The following KCNH7 variants were observed in gnomAD, a reference collection of about 807,000 sequenced individuals.
The protein encoded by KCNH7 is potassium voltage-gated channel subfamily H member 7, also known as voltage-gated inwardly rectifying potassium channel KCNH7.
Under a neutral mutation model 120.8 loss-of-function variants are expected in KCNH7, and 49 were observed. The ratio of observed to expected loss-of-function variants is 0.41; its 90% CI spans 0.32 to 0.51. The LOEUF (loss-of-function observed/expected upper bound fraction) is 0.51. Among genes scored for constraint, KCNH7 ranks in the 20% least tolerant of loss-of-function variants. The probability of loss-of-function intolerance (pLI) is 0.38; values close to 1 mark genes in which losing one functional copy is unlikely to be tolerated. For synonymous variants in KCNH7, 547 were observed against 516.1 expected, an observed-to-expected ratio of 1.06 and a Z score of -0.81; for missense variants, 1,097 against 1,446.6, an observed-to-expected ratio of 0.76 and a Z score of 3.92.
intron 6 of KCNH7, among the ~76,000 whole-genome samples, chr2:162,450,522 G>A (rs1016612217): frequency 1.3e-5 from 2 of 152,038 alleles, no homozygotes; most frequent in African/African-American, 4.8e-5. Context: ...GCATCATGAG[G>A]TAAATCCAAA....
At chr2:162,726,962 G>T (rs2105383984) in intron 2 of KCNH7, among the ~76,000 whole-genome samples, 1 of 152,254 alleles carries the variant, frequency 6.6e-6, no homozygotes, top group Admixed American at 6.5e-5. Flanking sequence ...TTATTGGGGA[G>T]GGGGCTTATC....
At chr2:162,833,798 T>C (rs73972034) in intron 2 of KCNH7, among the ~76,000 whole-genome samples, 2,018 of 152,212 alleles carry the variant, frequency 0.013, 45 homozygotes, top group African/African-American at 0.045. Flanking sequence ...TGGGCCACTT[T>C]AGCGAACAAG....
chr2:162,666,865 T>A lies in KCNH7; in HGVS notation c.308-129785A>T, dbSNP rs143663799. 1.5e-3 allele frequency among the ~76,000 whole-genome samples: 232 copies of A among 152,240 alleles called. 1 individual carries two copies. The highest frequency in any genetic ancestry group is 5.4e-3 in the African/African-American group (223 of 41,564). ...TAGTTCCTCTGGTCATTAAAAATTA[T>A]CTTTTCTTTTATTTTGATCTTTAGT... On this transcript the variant is annotated intron_variant, in intron 2 of 15. Coordinates refer to ENST00000332142, the MANE Select transcript of KCNH7 (RefSeq NM_033272.4).
intron 2 of KCNH7, among the ~76,000 whole-genome samples, chr2:162,815,729 G>GT (rs1160684965): frequency 1.3e-5 from 2 of 151,984 alleles, no homozygotes; most frequent in African/African-American, 4.8e-5. Context: ...CTTTTAAAAC[G>GT]TATTTATAAA....
intron 2 of KCNH7, among the ~76,000 whole-genome samples, chr2:162,576,662 T>C (rs911099297): frequency 6.6e-6 from 1 of 152,014 alleles, no homozygotes; most frequent in African/African-American, 2.4e-5. Flanking sequence ...TTGGGGTTTT[T>C]TTTTCCTGTT....
At chr2:162,754,741 G>A (rs1034301417) in intron 2 of KCNH7, among the ~76,000 whole-genome samples, 5 of 152,090 alleles carry the variant, frequency 3.3e-5, no homozygotes, top group African/African-American at 1.2e-4. Flanking sequence ...AAAACCAGCA[G>A]GAAGTAATGT....
intron 12 of KCNH7, among the ~76,000 whole-genome samples, chr2:162,385,648 G>A (rs1686550746): frequency 6.6e-6 from 1 of 151,860 alleles, no homozygotes; most frequent in Admixed American, 6.6e-5. Flanking sequence ...AACTCAAAGA[G>A]ACAAATCCCA....
At chr2:162,789,407 T>C (rs1171348903) in intron 2 of KCNH7, among the ~76,000 whole-genome samples, 1 of 152,002 alleles carries the variant, frequency 6.6e-6, no homozygotes, top group Non-Finnish European at 1.5e-5. Flanking sequence ...AATACAATAA[T>C]AGTAGAAGAC....
intron 6 of KCNH7, among the ~76,000 whole-genome samples, chr2:162,454,768 C>T (rs1466340598): frequency 6.6e-6 from 1 of 151,764 alleles, no homozygotes; most frequent in African/African-American, 2.4e-5. Flanking sequence ...GAATGCTTGT[C>T]GTTTTTGCAC....
At chr2:162,605,811 A>G (rs1288663891) in intron 2 of KCNH7, among the ~76,000 whole-genome samples, 1 of 152,052 alleles carries the variant, frequency 6.6e-6, no homozygotes, top group Non-Finnish European at 1.5e-5. Context: ...TGTCTCTATT[A>G]TTGAGCTTGA....
intron 6 of KCNH7, among the ~76,000 whole-genome samples, chr2:162,464,111 G>A (rs918243321): frequency 6.6e-6 from 1 of 151,992 alleles, no homozygotes; most frequent in East Asian, 1.9e-4. Flanking sequence ...AAACCAATGG[G>A]TACATGAATC....
chr2:162,491,812 T>A (rs201381631), intron 6 of KCNH7, among the ~76,000 whole-genome samples: 8 of 152,210 alleles, frequency 5.3e-5, no homozygotes, highest in Non-Finnish European at 1.0e-4. Context: ...TCTTTCTAGA[T>A]GGGTAGCCAT....
intron 2 of KCNH7, among the ~76,000 whole-genome samples, chr2:162,550,901 AAT>A (rs1559009792): frequency 3.3e-5 from 5 of 150,882 alleles, no homozygotes; most frequent in African/African-American, 1.2e-4. Context: ...TAATAATAAT[AAT>A]AATAATAATA....
intron 2 of KCNH7, among the ~76,000 whole-genome samples, chr2:162,696,633 G>T (rs1686299884): frequency 6.6e-6 from 1 of 150,774 alleles, no homozygotes; most frequent in South Asian, 2.1e-4. Flanking sequence ...TCCATAAAAA[G>T]ATCCTAGGTC....
chr2:162,529,069 C>T (rs1691822552), intron 3 of KCNH7, among the ~76,000 whole-genome samples: 1 of 151,920 alleles, frequency 6.6e-6, no homozygotes, highest in Non-Finnish European at 1.5e-5. Flanking sequence ...GCTTGAAATG[C>T]TAAATCGCCC....
chr2:162,678,247 A>G (rs1685592919), intron 2 of KCNH7, among the ~76,000 whole-genome samples: 1 of 151,236 alleles, frequency 6.6e-6, no homozygotes, highest in African/African-American at 2.4e-5. Flanking sequence ...AAGAAACTAT[A>G]TATGTAAATT....
chr2:162,446,386 T>C lies in KCNH7; in HGVS notation c.1186A>G (p.Asn396Asp), dbSNP rs1163322083. The change falls in exon 7 of 16, where the codon AAC (asparagine) becomes GAC (aspartate). Residue 396 changes from asparagine (N) to aspartate (D), a missense_variant. Coordinates refer to ENST00000332142, the MANE Select transcript of KCNH7 (RefSeq NM_033272.4). ...CTGTAGTGCAATATCGTAAACTTGT[T>C]GATGCGTGGTGTCTGCAGTTTGTAT... ...PEYKLQTPRINKFTILHYSPF... is the reference protein window; with the variant it reads ...PEYKLQTPRIDKFTILHYSPF... 1 of 1,613,672 alleles carries C rather than the reference T, an allele frequency of 6.2e-7. No homozygotes were observed. The highest frequency in any genetic ancestry group is 1.1e-5 in the South Asian group (1 of 91,048).
At chr2:162,381,346 A>AT (rs1339985088) in intron 13 of KCNH7, among the ~76,000 whole-genome samples, 2 of 152,128 alleles carry the variant, frequency 1.3e-5, no homozygotes, top group Non-Finnish European at 2.9e-5. Context: ...ATTAGCTATG[A>AT]TTTTAGAAAT....
chr2:162,393,080 T>G (rs1038960932), intron 12 of KCNH7, among the ~76,000 whole-genome samples: 2 of 151,888 alleles, frequency 1.3e-5, no homozygotes, highest in Non-Finnish European at 2.9e-5. Context: ...AAATGGAGAT[T>G]TATTGGAGGT....
Sources: gnomAD v4.1 joint callset for allele counts (sites outside exome capture counted in the v4.1 genomes callset) on GRCh38, gnomAD v4.1.1 for gene constraint, MANE v1.5 for transcripts, NCBI Gene and HGNC (gene_info 2026-07-23, HGNC 2026-07-21) for gene names.